The following MYO5A variants were observed in gnomAD, a reference collection of about 807,000 sequenced individuals.
MYO5A encodes the protein myosin VA.
MYO5A carries 98 observed loss-of-function variants against 249.7 expected under a neutral mutation model. That is an observed-to-expected ratio of 0.39 (90% CI 0.33 to 0.46). The LOEUF is 0.46. Among genes scored for constraint, MYO5A ranks in the 20% least tolerant of loss-of-function variants. The probability of loss-of-function intolerance (pLI) is 0.98; values close to 1 mark genes in which losing one functional copy is unlikely to be tolerated. For synonymous variants in MYO5A, 778 were observed against 810.6 expected, an observed-to-expected ratio of 0.96 and a Z score of 0.68; for missense variants, 1,696 against 2,308.8, an observed-to-expected ratio of 0.73 and a Z score of 5.44.
intron 14 of MYO5A, among the ~76,000 whole-genome samples, chr15:52,386,340 C>T (rs1394890816): frequency 6.6e-6 from 1 of 152,058 alleles, no homozygotes; most frequent in Non-Finnish European, 1.5e-5. Flanking sequence ...ACAACAACAG[C>T]AAGAATCAGA....
intron 1 of MYO5A, among the ~76,000 whole-genome samples, chr15:52,511,674 T>G (rs530314851): frequency 3.5e-4 from 54 of 152,332 alleles, no homozygotes; most frequent in African/African-American, 1.2e-3. Flanking sequence ...CCCTCTCAGG[T>G]TGGAGCTAAC....
At position 52,351,259 on chromosome 15, in the gene MYO5A, G is replaced by C; in HGVS notation, c.3844C>G (p.Pro1282Ala). 1.2e-6 allele frequency: 2 copies of C among 1,613,994 alleles called. No individual in the cohort carries two copies. Among genetic ancestry groups the C allele is most frequent in the Non-Finnish European group, 1.7e-6 (2 of 1,179,916 alleles). ...AATTGTGTGCTTGCGCTTACCTTGGGTTGGATGGCCTCTTTCTGGCTCACC... is the reference window on the plus strand; with the variant it reads ...AATTGTGTGCTTGCGCTTACCTTGGCTTGGATGGCCTCTTTCTGGCTCACC... Reference protein sequence around the residue: ...QLVSQKEAIQPKDDKNTMTDS... With the variant: ...QLVSQKEAIQAKDDKNTMTDS... The change falls in exon 28 of 42, where the codon CCC becomes GCC. Residue 1282 changes from proline to alanine, a missense_variant. Pro to Ala is a conservative substitution (Grantham distance 27). Around this residue, in one of 5 missense-constraint regions of MYO5A, gnomAD observed 625 missense variants for 908.1 expected, o/e 0.69. Coordinates refer to ENST00000399233, the MANE Select transcript of MYO5A (RefSeq NM_001382347.1).
intron 4 of MYO5A, among the ~76,000 whole-genome samples, chr15:52,421,567 T>C (rs1015629100): frequency 1.3e-5 from 2 of 152,222 alleles, no homozygotes; most frequent in African/African-American, 4.8e-5. Context: ...TGTCCAAGCC[T>C]GATGACTGGC....
chr15:52,348,780 T>C (rs943533569), intron 29 of MYO5A, 38 bp downstream of exon 29: 3 of 1,425,020 alleles, frequency 2.1e-6, no homozygotes, highest in Middle Eastern at 2.2e-4. Context: ...TAGGATTAAA[T>C]AGAAGTATTT....
chr15:52,521,689 C>T (rs28711556), intron 1 of MYO5A, among the ~76,000 whole-genome samples: 1,859 of 152,270 alleles, frequency 0.012, 33 homozygotes, highest in African/African-American at 0.043. Context: ...GGCAAAAAGC[C>T]TTTGCTGTAC....
intron 2 of MYO5A, among the ~76,000 whole-genome samples, chr15:52,428,884 C>A (rs1010483373): frequency 2.6e-5 from 4 of 152,126 alleles, no homozygotes; most frequent in African/African-American, 9.7e-5. Context: ...CCCCTTTTAC[C>A]TATAAAAAAG....
intron 1 of MYO5A, among the ~76,000 whole-genome samples, chr15:52,483,735 A>G (rs1310906204): frequency 6.6e-6 from 1 of 152,222 alleles, no homozygotes; most frequent in Non-Finnish European, 1.5e-5. Flanking sequence ...GCGAAGGTCC[A>G]TCCCCAGACT....
At chr15:52,490,997 A>T (rs1026102760) in intron 1 of MYO5A, among the ~76,000 whole-genome samples, 1 of 152,170 alleles carries the variant, frequency 6.6e-6, no homozygotes, top group Non-Finnish European at 1.5e-5. Flanking sequence ...CTGGGATTAT[A>T]GGTGTGAGCA....
intron 1 of MYO5A, among the ~76,000 whole-genome samples, chr15:52,458,595 T>C (rs1269595314): frequency 1.3e-5 from 2 of 151,500 alleles, no homozygotes; most frequent in African/African-American, 4.8e-5. Flanking sequence ...ACTCCAGCCC[T>C]GCACAAAGCA....
intron 22 of MYO5A, among the ~76,000 whole-genome samples, chr15:52,368,340 A>G (rs1441405029): frequency 6.6e-6 from 1 of 152,038 alleles, no homozygotes; most frequent in Non-Finnish European, 1.5e-5. Context: ...CTTTCAGGAG[A>G]GGCTCTTGTT....
chr15:52,313,284 AGTGCAGAGGAGGTTCTTTG>A lies in MYO5A; in HGVS notation c.*393_*411del. The A allele has an allele frequency of 4.5e-6, 1 of 221,850 alleles. No homozygotes were observed. Among genetic ancestry groups the A allele is most frequent in the South Asian group, 7.2e-5 (1 of 13,870 alleles). The allele number at this position is 221,850 out of a possible 1,614,324, so 13.7% of individuals were successfully genotyped here. ...GACTTTTCTTTCCATTCTCCTGTTT[AGTGCAGAGGAGGTTCTTTG>A]GTGCCTTCCTAACAACAGCTCATCT... On this transcript the variant is annotated 3_prime_UTR_variant, in exon 42 of 42. Transcript: ENST00000399233.
At chr15:52,423,712 C>T (rs1406817174) in intron 4 of MYO5A, among the ~76,000 whole-genome samples, 1 of 151,858 alleles carries the variant, frequency 6.6e-6, no homozygotes, top group Non-Finnish European at 1.5e-5. Context: ...CTAATTGAGG[C>T]ATATTTTAAA....
At chr15:52,442,790 C>G (rs28533733) in intron 1 of MYO5A, among the ~76,000 whole-genome samples, 29,176 of 144,908 alleles carry the variant, frequency 0.2, 3,604 homozygotes, top group East Asian at 0.56. Flanking sequence ...GAGTCTTGCT[C>G]TGTTGCCCAG....
intron 40 of MYO5A, among the ~76,000 whole-genome samples, chr15:52,315,330 G>A (rs2037945808): frequency 1.3e-5 from 2 of 151,996 alleles, no homozygotes; most frequent in Admixed American, 1.3e-4. Flanking sequence ...TTCTTAGTAA[G>A]AAGTTATGCA....
chr15:52,518,643 G>A (rs1015907293), intron 1 of MYO5A, among the ~76,000 whole-genome samples: 1 of 152,134 alleles, frequency 6.6e-6, no homozygotes, highest in African/African-American at 2.4e-5. Flanking sequence ...GCAGAAAAGT[G>A]TTTTAAGGTG....
rs1241150224 is a variant in MYO5A at position 52,312,303 on chromosome 15, T to C, written c.*1393A>G. 1.3e-5 allele frequency: 2 copies of C among 152,230 alleles called. No individual in the cohort carries two copies. The highest frequency in any genetic ancestry group is 4.8e-5 in the African/African-American group (2 of 41,462). The allele number at this position is 152,230 out of a possible 1,614,324, so 9.4% of individuals were successfully genotyped here. On this transcript the variant is annotated 3_prime_UTR_variant, in exon 42 of 42. Transcript: ENST00000399233. ...TATTTATTATATACCTTCTTTTGCATAATCAAAGTTTCAAGACCTGAATCG... is the reference window on the plus strand; with the variant it reads ...TATTTATTATATACCTTCTTTTGCACAATCAAAGTTTCAAGACCTGAATCG...
chr15:52,364,248 C>A (rs1055431546), intron 24 of MYO5A, among the ~76,000 whole-genome samples: 3 of 150,652 alleles, frequency 2.0e-5, no homozygotes, highest in Admixed American at 2.0e-4. Context: ...AAAAAAAAAA[C>A]AAAAACAAAA....
chr15:52,307,644 T>G lies in MYO5A; in HGVS notation c.*6052A>C, dbSNP rs2037661861. The G allele has an allele frequency of 6.6e-6, 1 of 152,106 alleles. No individual in the cohort carries two copies. Among genetic ancestry groups the G allele is most frequent in the Admixed American group, 6.5e-5 (1 of 15,278 alleles). The allele number at this position is 152,106 out of a possible 1,614,324, so 9.4% of individuals were successfully genotyped here. On this transcript the variant is annotated 3_prime_UTR_variant, in exon 42 of 42. Transcript: ENST00000399233. Reference sequence around the variant, plus strand: ...GAACTTTCAAAAAATTGTATCAAAATTTTCTATGCAGATCAAAGTAGAATT... The same window carrying G: ...GAACTTTCAAAAAATTGTATCAAAAGTTTCTATGCAGATCAAAGTAGAATT...
intron 34 of MYO5A, among the ~76,000 whole-genome samples, chr15:52,332,930 A>G (rs893658897): frequency 2.0e-5 from 3 of 152,232 alleles, no homozygotes; most frequent in Non-Finnish European, 2.9e-5. Context: ...ACGCCACTGC[A>G]CTGCAGCCTG....
Sources: gnomAD v4.1 joint callset for allele counts (sites outside exome capture counted in the v4.1 genomes callset) on GRCh38, gnomAD v4.1.1 for gene constraint, gnomAD v4.1.1 regional missense constraint, MANE v1.5 for transcripts, NCBI Gene and HGNC (gene_info 2026-07-23, HGNC 2026-07-21) for gene names.